Variants in RBM38 observed in about 807,000 individuals in gnomAD.
RBM38 encodes RNA-binding protein 38.
A neutral mutation model predicts 23.5 loss-of-function variants in RBM38; 11 were observed. The ratio of observed to expected loss-of-function variants is 0.47; its 90% CI spans 0.29 to 0.77. RBM38 has a LOEUF of 0.77. Ranked by LOEUF, RBM38 falls within the 30% of genes least tolerant of loss-of-function variation. RBM38 has a pLI of 0.08. For synonymous variants in RBM38, 165 were observed against 166.1 expected (o/e 0.99, Z 0.05); for missense variants, 330 against 351.9 (o/e 0.94, Z 0.50).
At chr20:57,400,776 G>A (rs2067319494) in intron 3 of RBM38, among the ~76,000 whole-genome samples, 1 of 152,160 alleles carries the variant, frequency 6.6e-6, no homozygotes, top group Non-Finnish European at 1.5e-5. Flanking sequence ...TGGGAGGATA[G>A]AAGTTTTCTG....
At chr20:57,394,931 G>A (rs1244196842) in intron 3 of RBM38, among the ~76,000 whole-genome samples, 1 of 152,240 alleles carries the variant, frequency 6.6e-6, no homozygotes, top group Non-Finnish European at 1.5e-5. Flanking sequence ...GATCCACACA[G>A]CTACCTCTGG....
chr20:57,405,238 C>A (rs1273133653), intron 3 of RBM38, among the ~76,000 whole-genome samples: 1 of 152,242 alleles, frequency 6.6e-6, no homozygotes, highest in African/African-American at 2.4e-5. Context: ...TGGTGCCTCT[C>A]CCATCCTAGA....
intron 1 of RBM38, 26 bp from the exon 2 acceptor site, chr20:57,392,628 C>T (rs1409084171): frequency 5.0e-6 from 8 of 1,603,676 alleles, no homozygotes; most frequent in Non-Finnish European, 6.8e-6. Flanking sequence ...CCCACGGCAG[C>T]CCCTGATGTG....
chr20:57,399,934 C>G (rs1184180002), intron 3 of RBM38: 1 of 456,204 alleles, frequency 2.2e-6, no homozygotes, highest in Non-Finnish European at 4.4e-6. Context: ...TCAGAGGCGA[C>G]TTTATGTTCA....
chr20:57,392,644 G>T lies in RBM38; in HGVS notation c.238-10G>T. ...CCACGGCAGCCCCTGATGTGTCTCT[G>T]CTCCACCAGGTGACCATGGCCGACC... is the stretch of plus-strand genomic sequence containing the variant. On this transcript the variant is annotated splice_polypyrimidine_tract_variant and intron_variant, in intron 1 of 3. Transcript: ENST00000356208. 1 of 1,609,680 alleles carries T rather than the reference G, an allele frequency of 6.2e-7. No individual in the cohort carries two copies. The highest frequency in any genetic ancestry group is 1.3e-5 in the African/African-American group (1 of 74,662).
intron 3 of RBM38, among the ~76,000 whole-genome samples, chr20:57,395,928 C>T (rs893847972): frequency 3.3e-5 from 5 of 152,188 alleles, no homozygotes; most frequent in Non-Finnish European, 7.3e-5. Context: ...AGGTGGGAGC[C>T]AGGAGCCCAG....
chr20:57,393,385 G>C, intron 3 of RBM38, 52 bp downstream of exon 3: 1 of 1,571,848 alleles, frequency 6.4e-7, no homozygotes, highest in South Asian at 1.1e-5. Context: ...ATGAAGTGGA[G>C]AGGGCCTTGG....
At position 57,395,607 on chromosome 20, in the gene RBM38, T is replaced by G. The variant is rs1032402019; in HGVS notation, c.416+2274T>G. ...TCCGCTCTTGGCTTCCTGGGAGATC[T>G]GAACTCAAGCCTCTGAGAATCGCGC... On this transcript the variant is annotated intron_variant, in intron 3 of 3. Transcript: ENST00000356208. Among the ~76,000 whole-genome samples, 7 of 152,316 alleles carry G rather than the reference T, an allele frequency of 4.6e-5. No homozygotes were observed. The South Asian group carries it at 1.4e-3, about 32-fold the overall frequency.
In RBM38 at chr20:57,396,817, A is replaced by T. The variant is rs561773116; in HGVS notation, c.416+3484A>T. Among the ~76,000 whole-genome samples the T allele has an allele frequency of 3.9e-5, 6 of 152,336 alleles. No homozygotes were observed. The East Asian group carries it at 9.6e-4, about 24-fold the overall frequency. On this transcript the variant is annotated intron_variant, in intron 3 of 3. Transcript: ENST00000356208. ...CTCTTGGACCTTGCCTCATGGTCACAAGATGACTGCCACGGCTCCAGACAT... is the reference window on the plus strand; with the variant it reads ...CTCTTGGACCTTGCCTCATGGTCACTAGATGACTGCCACGGCTCCAGACAT...
intron 1 of RBM38, 129 bp from the exon 2 acceptor site, chr20:57,392,525 C>G: frequency 6.6e-7 from 1 of 1,522,938 alleles, no homozygotes; most frequent in East Asian, 2.5e-5. Flanking sequence ...CTCAAGGACC[C>G]TGGGTCACAG....
chr20:57,397,979 T>G (rs1232482035), intron 3 of RBM38, among the ~76,000 whole-genome samples: 1 of 152,094 alleles, frequency 6.6e-6, no homozygotes, highest in African/African-American at 2.4e-5. Flanking sequence ...CTTCACAGTT[T>G]GTGTGTAACT....
Position 57,391,542 on chromosome 20 carries a change from C to A in RBM38, c.-40C>A. ...TCCCCGCCGCCCCCCATGAGCGCAG[C>A]CCCGCGCGGCCCGGGTCCGTAGGCG... On this transcript the variant is annotated 5_prime_UTR_variant, in exon 1 of 4. Transcript: ENST00000356208. The A allele has an allele frequency of 1.3e-6, 1 of 798,114 alleles. No homozygotes were observed. Among genetic ancestry groups the A allele is most frequent in the Non-Finnish European group, 1.5e-6 (1 of 647,704 alleles). The allele number at this position is 798,114 out of a possible 1,614,324, so 49.4% of individuals were successfully genotyped here. A position where few individuals can be genotyped will look rare whatever the true frequency, so the allele number is the denominator to read the frequency against.
At chr20:57,400,563 G>A (rs1336041113) in intron 3 of RBM38, among the ~76,000 whole-genome samples, 2 of 152,146 alleles carry the variant, frequency 1.3e-5, no homozygotes, top group African/African-American at 2.4e-5. Flanking sequence ...TCATCCTTCC[G>A]CAGACACCCC....
rs1453959567 is a variant in RBM38, at chr20:57,391,476, G to A, written c.-106G>A. 3.9e-5 allele frequency: 7 copies of A among 178,060 alleles called. No individual in the cohort carries two copies. Among genetic ancestry groups the A allele is most frequent in the Non-Finnish European group, 6.3e-5 (6 of 95,398 alleles). 11.0% of individuals were successfully genotyped at this position (178,060 alleles called of 1,614,324 possible). On this transcript the variant is annotated 5_prime_UTR_variant, in exon 1 of 4. Coordinates refer to ENST00000356208, the MANE Select transcript of RBM38 (RefSeq NM_017495.6). The stretch of plus-strand genomic sequence containing the variant: ...GGCGGGACGGGCGCCGGAGTGGTCG[G>A]GCCTGGCGGCTGGACGGGCGCCCCT...
intron 2 of RBM38, 86 bp from the exon 3 acceptor site, chr20:57,393,193 C>A: frequency 1.5e-6 from 2 of 1,305,340 alleles, no homozygotes; most frequent in Non-Finnish European, 2.2e-6. Flanking sequence ...AGGTGTGTGG[C>A]TTGTGGGATT....
chr20:57,405,312 G>A (rs1437483903), intron 3 of RBM38, among the ~76,000 whole-genome samples: 1 of 152,208 alleles, frequency 6.6e-6, no homozygotes, highest in Non-Finnish European at 1.5e-5. Flanking sequence ...GCAGATATGT[G>A]AGAAAGGCGT....
At chr20:57,395,062 A>G (rs1249730393) in intron 3 of RBM38, among the ~76,000 whole-genome samples, 3 of 152,238 alleles carry the variant, frequency 2.0e-5, no homozygotes, top group Middle Eastern at 3.2e-3. Context: ...AAACAGGAAC[A>G]TTAACTGCTT....
chr20:57,395,929 A>C (rs2067270477), intron 3 of RBM38, among the ~76,000 whole-genome samples: 1 of 152,186 alleles, frequency 6.6e-6, no homozygotes, highest in Non-Finnish European at 1.5e-5. Context: ...GGTGGGAGCC[A>C]GGAGCCCAGG....
intron 3 of RBM38, among the ~76,000 whole-genome samples, chr20:57,398,440 AAG>A (rs1331795432): frequency 1.3e-5 from 2 of 152,178 alleles, no homozygotes; most frequent in Non-Finnish European, 2.9e-5. Flanking sequence ...GCAGGGGCAG[AAG>A]CTGAGGTCAG....
Sources: allele counts gnomAD v4.1 joint callset (sites outside exome capture counted in the v4.1 genomes callset), GRCh38; gene constraint gnomAD v4.1.1; transcripts MANE v1.5; gene names NCBI Gene and HGNC (gene_info 2026-07-23, HGNC 2026-07-21).